PLEKHA6: variants seen among roughly 807,000 people sequenced by gnomAD.
PLEKHA6 encodes the protein pleckstrin homology domain-containing family A member 6.
A neutral mutation model predicts 116.7 loss-of-function variants in PLEKHA6; 60 were observed. That is an observed-to-expected ratio of 0.51 (90% CI 0.42 to 0.64). PLEKHA6 has a LOEUF of 0.64. Ranked by LOEUF, PLEKHA6 falls within the 30% of genes least tolerant of loss-of-function variation. The probability of loss-of-function intolerance (pLI) is 0.00; values close to 1 mark genes in which losing one functional copy is unlikely to be tolerated. For missense variants in PLEKHA6, 1,338 were observed against 1,422.7 expected (o/e 0.94, Z 0.96); for synonymous variants, 489 against 556.1 (o/e 0.88, Z 1.70).
chr1:204,225,877 C>A (rs1054695686), intron 21 of PLEKHA6, among the ~76,000 whole-genome samples: 1 of 152,214 alleles, frequency 6.6e-6, no homozygotes, highest in African/African-American at 2.4e-5. Flanking sequence ...CCAGACACTG[C>A]ACAAGACATT....
rs1162822618 is a variant in PLEKHA6, at chr1:204,228,168, C to G, written c.2946G>C (p.Glu982Asp). 5 of 1,613,330 alleles carry G rather than the reference C, an allele frequency of 3.1e-6. No homozygotes were observed. Among genetic ancestry groups the G allele is most frequent in the Non-Finnish European group, 3.4e-6 (4 of 1,179,560 alleles). The stretch of plus-strand genomic sequence containing the variant: ...GCTTCTCCTGCTCCTGCAGCTGGCT[C>G]TCTGAGTCCTGGGGCACGTCCACAG... The part of the protein sequence containing the change: ...GDSVDVPQDS[E>D]SQLQEQEKRI... The change falls in exon 21 of 23, where the codon GAG becomes GAC. Residue 982 changes from glutamate (E) to aspartate (D), a missense_variant. Around this residue, in one of 3 missense-constraint regions of PLEKHA6, gnomAD observed 1,136 missense variants for 1,163.6 expected, o/e 0.98. Coordinates refer to ENST00000272203, the MANE Select transcript of PLEKHA6 (RefSeq NM_014935.5). The surrounding 1 kb of genome is among the most constrained non-coding windows in gnomAD (Gnocchi z 4.0).
At chr1:204,324,788 A>C (rs777495192) in intron 1 of PLEKHA6, among the ~76,000 whole-genome samples, 2 of 152,238 alleles carry the variant, frequency 1.3e-5, no homozygotes, top group Non-Finnish European at 2.9e-5. Flanking sequence ...ATTCATTAAA[A>C]GGGTATTGGG....
chr1:204,376,660 T>C (rs948621295), intron 1 of PLEKHA6, among the ~76,000 whole-genome samples: 8 of 152,238 alleles, frequency 5.3e-5, no homozygotes, highest in African/African-American at 1.2e-4. Context: ...CCAGCTCTGA[T>C]TAACACGTGG....
rs1280798427 is a variant in PLEKHA6 at position 204,259,608 on chromosome 1, T to C, written c.657A>G (p.Ala219=). The change falls in exon 8 of 23, where the codon GCA becomes GCG. Residue 219 remains alanine (A), a synonymous_variant. Coordinates refer to ENST00000272203, the MANE Select transcript of PLEKHA6 (RefSeq NM_014935.5). The surrounding 1 kb of genome is among the most constrained non-coding windows in gnomAD (Gnocchi z 4.6). ...GEGDGRGCEK[A]ERRPERPEVK... ...CTTCTGGCCTCTCAGGCCTTCTCTC[T>C]GCCTTCTCACAGCCTCGGCCATCAC... The C allele has an allele frequency of 1.9e-6, 3 of 1,614,046 alleles. No individual in the cohort carries two copies. Among genetic ancestry groups the C allele is most frequent in the African/African-American group, 1.3e-5 (1 of 74,954 alleles).
chr1:204,237,438 C>A (rs1378188038), intron 17 of PLEKHA6, among the ~76,000 whole-genome samples: 3 of 152,166 alleles, frequency 2.0e-5, no homozygotes, highest in African/African-American at 7.2e-5. Flanking sequence ...TTGAAAGATG[C>A]AGGGGTGATG....
intron 15 of PLEKHA6, among the ~76,000 whole-genome samples, chr1:204,244,419 G>A (rs1663342988): frequency 1.3e-5 from 2 of 151,668 alleles, no homozygotes; most frequent in South Asian, 2.1e-4. Flanking sequence ...GGGATTACAC[G>A]ATTACGCACC....
chr1:204,232,545 T>C (rs1259275154), intron 17 of PLEKHA6, among the ~76,000 whole-genome samples: 1 of 152,038 alleles, frequency 6.6e-6, no homozygotes, highest in African/African-American at 2.4e-5. Context: ...GTCTACAAAG[T>C]TTTTGAGACT....
chr1:204,247,758 C>T (rs906001724), intron 12 of PLEKHA6, among the ~76,000 whole-genome samples: 1 of 152,090 alleles, frequency 6.6e-6, no homozygotes, highest in African/African-American at 2.4e-5. Context: ...AAGTAGAGGG[C>T]ATAGCCTGGG....
chr1:204,299,662 T>G (rs1670626746), intron 1 of PLEKHA6: 1 of 984,754 alleles, frequency 1.0e-6, no homozygotes, highest in Non-Finnish European at 1.2e-6. Context: ...TCTACTGTCT[T>G]AGGGCCTCAC....
chr1:204,228,185 C>T lies in PLEKHA6; in HGVS notation c.2929G>A (p.Val977Met), dbSNP rs200309057. Residue 977 changes from valine (V) to methionine (M), a missense_variant, in exon 21 of 23, where the codon GTG becomes ATG. This residue lies in a region of PLEKHA6 where 1,136 missense variants were observed against 1,163.6 expected (regional missense o/e 0.98). Coordinates refer to ENST00000272203, the MANE Select transcript of PLEKHA6 (RefSeq NM_014935.5). The surrounding 1 kb of genome is among the most constrained non-coding windows in gnomAD (Gnocchi z 4.0). ...VPIGEGDSVD[V>M]PQDSESQLQE... ...AGCTGGCTCTCTGAGTCCTGGGGCA[C>T]GTCCACAGAGTCCCCCTCGCCGATG... is the stretch of plus-strand genomic sequence containing the variant. 32 of 1,612,308 alleles carry T rather than the reference C, an allele frequency of 2.0e-5. No homozygotes were observed. The highest frequency in any genetic ancestry group is 8.0e-5 in the African/African-American group (6 of 74,992).
At chr1:204,224,123 G>A (rs1015691192) in intron 21 of PLEKHA6, among the ~76,000 whole-genome samples, 8 of 152,010 alleles carry the variant, frequency 5.3e-5, no homozygotes, top group African/African-American at 1.5e-4. Flanking sequence ...TCAAGGGCTC[G>A]GAAACATGTT....
At chr1:204,264,082 G>A (rs1179649515) in intron 6 of PLEKHA6, among the ~76,000 whole-genome samples, 1 of 152,134 alleles carries the variant, frequency 6.6e-6, no homozygotes, top group African/African-American at 2.4e-5. Context: ...TAATATCATA[G>A]CTTTGAAGGG....
At chr1:204,255,861 G>A (rs1009254067) in intron 9 of PLEKHA6, among the ~76,000 whole-genome samples, 1 of 152,192 alleles carries the variant, frequency 6.6e-6, no homozygotes, top group African/African-American at 2.4e-5. Flanking sequence ...GGCAGGCAAA[G>A]TAGTTCTCTA....
rs144474750 is a variant in PLEKHA6 at position 204,365,325 on chromosome 1, T to C, written c.218+2474A>G. 3.3e-5 allele frequency among the ~76,000 whole-genome samples: 5 copies of C among 152,320 alleles called. No individual in the cohort carries two copies. In the East Asian group the frequency reaches 5.8e-4, roughly 18 times the overall value. ...AAAGCACTCTTGCAGCATTATGGCC[T>C]GGAGGCAGGAAGATCAGTTGGAAAG... On this transcript the variant is annotated intron_variant, in intron 3 of 4. Transcript: ENST00000564627.
chr1:204,228,325 GC>G lies in PLEKHA6; in HGVS notation c.2886-98del. On this transcript the variant is annotated intron_variant, in intron 20 of 22. Transcript: ENST00000272203. This position sits in a 1 kb window ranked among gnomAD's most constrained non-coding sequence, Gnocchi z 4.0. ...ACTGAGGTTGGCAGGGAGGGCCAGG[GC>G]CCCGTGAATGTGCAGTCTCTGGTTC... 7.9e-7 allele frequency: 1 copy of G among 1,259,614 alleles called. No individual in the cohort carries two copies. The highest frequency in any genetic ancestry group is 1.1e-6 in the Non-Finnish European group (1 of 900,816). The allele number at this position is 1,259,614 out of a possible 1,614,324, so 78.0% of individuals were successfully genotyped here. A position where few individuals can be genotyped will look rare whatever the true frequency, so the allele number is the denominator to read the frequency against.
intron 1 of PLEKHA6, chr1:204,301,177 A>G (rs902887157): frequency 3.4e-6 from 3 of 889,206 alleles, no homozygotes; most frequent in South Asian, 5.2e-5. Context: ...ATAATGAAGT[A>G]TAGAGCTATA....
chr1:204,306,979 C>A (rs1315028530), intron 1 of PLEKHA6, among the ~76,000 whole-genome samples: 1 of 152,140 alleles, frequency 6.6e-6, no homozygotes, highest in African/African-American at 2.4e-5. Context: ...AAAATAGTCA[C>A]CTTCTAGAAA....
intron 1 of PLEKHA6, among the ~76,000 whole-genome samples, chr1:204,285,561 C>A (rs565957611): frequency 5.3e-5 from 8 of 151,946 alleles, no homozygotes; most frequent in Admixed American, 4.6e-4. Context: ...CCGCAGGCTC[C>A]GCTCCCTGAG....
intron 9 of PLEKHA6, among the ~76,000 whole-genome samples, chr1:204,252,334 G>A (rs1204261360): frequency 1.3e-5 from 2 of 151,756 alleles, no homozygotes; most frequent in African/African-American, 2.4e-5. Flanking sequence ...AATGGAAGAA[G>A]GGATGGGATG....
Sources: allele counts gnomAD v4.1 joint callset (sites outside exome capture counted in the v4.1 genomes callset), GRCh38; gene constraint gnomAD v4.1.1; regional missense constraint gnomAD v4.1.1; non-coding constraint Gnocchi (gnomAD v3.1); transcripts MANE v1.5; gene names NCBI Gene and HGNC (gene_info 2026-07-23, HGNC 2026-07-21).